BCOR: variants seen among roughly 807,000 people sequenced by gnomAD.
BCOR encodes BCL-6 corepressor.
A neutral mutation model predicts 86.7 loss-of-function variants in BCOR; 10 were observed. The ratio of observed to expected loss-of-function variants is 0.12; its 90% CI spans 0.07 to 0.20. The LOEUF (loss-of-function observed/expected upper bound fraction) is 0.20, where lower values mean the gene tolerates loss of function less well. Ranked by LOEUF, BCOR falls within the 10% of genes least tolerant of loss-of-function variation. The pLI is 1.00. For missense variants in BCOR, 1,259 were observed against 1,452.1 expected (o/e 0.87, Z 2.16); for synonymous variants, 611 against 609.0 (o/e 1.00, Z -0.05).
rs1390032293 is a variant in BCOR, at chrX:40,097,864, C to G, written c.-690G>C. Among the ~76,000 whole-genome samples the G allele has an allele frequency of 1.8e-5, 2 of 110,146 alleles. No homozygotes were observed. Among genetic ancestry groups the G allele is most frequent in the Non-Finnish European group, 3.8e-5 (2 of 52,185 alleles). ...CCCGCTCTCGGTCGCGGTCTGGGCT[C>G]CTGCGCGTCTCCCCCGCAGCCGCCG... is the stretch of plus-strand genomic sequence containing the variant. On this transcript the variant is annotated 5_prime_UTR_variant, in exon 1 of 15. Transcript: ENST00000378444.
chrX:40,141,276 G>T (rs933313227), intron 1 of BCOR, among the ~76,000 whole-genome samples: 1 of 113,050 alleles, frequency 8.8e-6, no homozygotes. Flanking sequence ...TTGGCCCACA[G>T]ACTCTGGAAG....
chrX:40,155,118 G>C (rs1938262008), intron 1 of BCOR, among the ~76,000 whole-genome samples: 1 of 111,262 alleles, frequency 9.0e-6, no homozygotes, highest in Admixed American at 9.4e-5. Flanking sequence ...CGACTGAGCC[G>C]GGGCCACCTC....
intron 1 of BCOR, among the ~76,000 whole-genome samples, chrX:40,156,505 G>A (rs772121676): frequency 1.8e-5 from 2 of 113,093 alleles, no homozygotes; most frequent in East Asian, 5.6e-4. Context: ...CGAGGGTCGG[G>A]TGCTACAACT....
At chrX:40,174,007 G>A (rs975476706) in intron 1 of BCOR, among the ~76,000 whole-genome samples, 3 of 113,017 alleles carry the variant, frequency 2.7e-5, no homozygotes, top group Non-Finnish European at 5.6e-5. Context: ...CCTTTGAAAT[G>A]GCGACTCTGG....
chrX:40,146,630 T>C (rs1938062409), intron 1 of BCOR: 2 of 112,222 alleles, frequency 1.8e-5, no homozygotes, highest in African/African-American at 3.2e-5. Context: ...CATGAATGGA[T>C]TGCGGAAGAT....
intron 1 of BCOR, among the ~76,000 whole-genome samples, chrX:40,078,441 G>A (rs993554574): frequency 8.9e-6 from 1 of 111,997 alleles, no homozygotes; most frequent in Non-Finnish European, 1.9e-5. Context: ...AGGGTGGAAG[G>A]CACCACAGTG....
rs1258246179 is a variant in BCOR, at chrX:40,120,976, T to A, written c.-40-43007A>T. On this transcript the variant is annotated intron_variant, in intron 1 of 14. Coordinates refer to the BCOR transcript ENST00000342274. ...GGGGAGCAAGCCAAGATTTCTGAGG[T>A]GAGAGTTTTGCAGGCAGAGGCAAAG... Among the ~76,000 whole-genome samples, 5 of 110,787 alleles carry A rather than the reference T, an allele frequency of 4.5e-5. No individual in the cohort carries two copies. In the East Asian group the frequency reaches 1.4e-3, roughly 32 times the overall value.
At chrX:40,063,110 G>GGGGGGGGGGGC in intron 8 of BCOR, 39 bp from the exon 9 acceptor site, 28 of 644,468 alleles carry the variant, frequency 4.3e-5, no homozygotes, top group East Asian at 2.8e-4. Flanking sequence ...GGGCGGATGG[G>GGGGGGGGGGGC]AGACGGGAGA....
chrX:40,151,510 C>G (rs191371255), intron 1 of BCOR, among the ~76,000 whole-genome samples: 1 of 112,668 alleles, frequency 8.9e-6, no homozygotes, highest in African/African-American at 3.2e-5. Flanking sequence ...CTCACAGTTC[C>G]GATAAGGCTT....
At chrX:40,066,036 G>A (rs1053819769) in intron 6 of BCOR, among the ~76,000 whole-genome samples, 7 of 110,684 alleles carry the variant, frequency 6.3e-5, no homozygotes, top group Admixed American at 1.9e-4. Context: ...GTGTTCTAAG[G>A]GGGAACAGAT....
chrX:40,150,671 G>C (rs182602547), intron 1 of BCOR, among the ~76,000 whole-genome samples: 3 of 111,782 alleles, frequency 2.7e-5, no homozygotes, highest in Admixed American at 9.5e-5. Context: ...AGATCCCCCC[G>C]GTGGTGGTTC....
At chrX:40,176,001 G>T (rs1938740740) in intron 1 of BCOR, among the ~76,000 whole-genome samples, 1 of 112,588 alleles carries the variant, frequency 8.9e-6, no homozygotes, top group South Asian at 3.6e-4. Flanking sequence ...GGGCCACTGC[G>T]GGGGGCGGAG....
At position 40,139,400 on chromosome X, in the gene BCOR, TATATATATATATATAATATATATAC is replaced by T. The variant is rs1569192176; in HGVS notation, c.-41+37582_-41+37606del. Among the ~76,000 whole-genome samples, 39 of 17,537 alleles carry T rather than the reference TATATATATATATATAATATATATAC, an allele frequency of 2.2e-3. 3 individuals are homozygous for T. The highest frequency in any genetic ancestry group is 3.8e-3 in the African/African-American group (7 of 1,827). The allele number at this position is 17,537 out of a possible 115,157, so 15.2% of individuals were successfully genotyped here. The stretch of plus-strand genomic sequence containing the variant: ...TATATATATAATATATATACATATA[TATATATATATATATAATATATATAC>T]ATATATATATATATATATATAATAT... On this transcript the variant is annotated intron_variant, in intron 1 of 14. Transcript: ENST00000342274.
rs772798635 is a variant in BCOR at position 40,074,977 on chromosome X, C to T, written c.369G>A (p.Gln123=). The T allele has an allele frequency of 8.3e-7, 1 of 1,210,453 alleles. No individual in the cohort carries two copies. The highest frequency in any genetic ancestry group is 1.7e-5 in the African/African-American group (1 of 57,567). The change falls in exon 4 of 15, where the codon CAG becomes CAA. Residue 123 remains glutamine, a synonymous_variant. Transcript: ENST00000378444. ...CTGTCTCGGGTGTATTCGGTTTGAA[C>T]TGCATCTCTGGATTTCTTTCCGAAG... is the stretch of plus-strand genomic sequence containing the variant. ...GFSSERNPEM[Q]FKPNTPETVE... is the part of the protein sequence containing the mutation.
intron 1 of BCOR, among the ~76,000 whole-genome samples, chrX:40,164,417 T>G (rs1305187189): frequency 8.9e-6 from 1 of 112,880 alleles, no homozygotes; most frequent in African/African-American, 3.2e-5. Context: ...AACAAAAGTG[T>G]GACAGGCAGG....
chrX:40,098,608 C>CGCT (rs1937003955), upstream of BCOR, among the ~76,000 whole-genome samples: 1 of 111,688 alleles, frequency 9.0e-6, no homozygotes. Context: ...CGGCAGCAGC[C>CGCT]GCTGCCGCCG....
intron 1 of BCOR, chrX:40,146,742 G>T (rs758323174): frequency 8.9e-6 from 1 of 112,181 alleles, no homozygotes; most frequent in Non-Finnish European, 1.9e-5. Flanking sequence ...CTCGGGGTTC[G>T]CAAGCTGGGC....
At chrX:40,103,696 G>A (rs780158713) in intron 1 of BCOR, among the ~76,000 whole-genome samples, 6 of 111,462 alleles carry the variant, frequency 5.4e-5, no homozygotes, top group African/African-American at 2.0e-4. Context: ...CTTTTCCACT[G>A]ACACTCCAGA....
rs758883383 is a variant in BCOR at position 40,064,446 on chromosome X, C to G, written c.3392G>C (p.Arg1131Pro). Residue 1131 changes from arginine (R) to proline (P), a missense_variant, in exon 7 of 15, where the codon CGG (arginine) becomes CCG (proline). Coordinates refer to ENST00000378444, the MANE Select transcript of BCOR (RefSeq NM_001123385.2). ...ASDMPHSPTL[R>P]VDRKRKVSGD... Reference sequence around the variant, plus strand: ...TGAGACTTTGCGTTTCCTGTCCACCCGGAGGGTGGGGCTGTGAGGCATGTC... The same window carrying G: ...TGAGACTTTGCGTTTCCTGTCCACCGGGAGGGTGGGGCTGTGAGGCATGTC... 1.6e-6 allele frequency: 2 copies of G among 1,212,314 alleles called. No homozygotes were observed. The highest frequency in any genetic ancestry group is 2.2e-6 in the Non-Finnish European group (2 of 895,615).
Sources: allele counts gnomAD v4.1 joint callset (sites outside exome capture counted in the v4.1 genomes callset), GRCh38; gene constraint gnomAD v4.1.1; transcripts MANE v1.5; gene names NCBI Gene and HGNC (gene_info 2026-07-23, HGNC 2026-07-21).